The following CNBD1 variants were observed in gnomAD, a reference collection of about 807,000 sequenced individuals.
The protein encoded by CNBD1 is cyclic nucleotide-binding domain-containing protein 1.
A neutral mutation model predicts 54.4 loss-of-function variants in CNBD1; 71 were observed. That is an observed-to-expected ratio of 1.30 (90% CI 1.08 to 1.59). CNBD1 has a LOEUF of 1.59. Ranked by LOEUF, CNBD1 falls within the 40% of genes most tolerant of loss-of-function variation. The pLI is 0.00. For missense variants in CNBD1, 659 were observed against 518.0 expected (o/e 1.27, Z -2.64); for synonymous variants, 182 against 170.7 (o/e 1.07, Z -0.51).
intron 4 of CNBD1, among the ~76,000 whole-genome samples, chr8:87,185,918 T>A (rs1312943136): frequency 6.6e-6 from 1 of 152,104 alleles, no homozygotes. Context: ...GATTCCCTCG[T>A]CCCATTCTTT....
chr8:87,424,854 C>A (rs1198152909), intron 2 of CNBD1, among the ~76,000 whole-genome samples: 1 of 152,086 alleles, frequency 6.6e-6, no homozygotes, highest in African/African-American at 2.4e-5. Flanking sequence ...TTTCCTGAAT[C>A]TGAACGTTGG....
intron 4 of CNBD1, among the ~76,000 whole-genome samples, chr8:86,968,204 T>A (rs1808134218): frequency 6.6e-6 from 1 of 152,176 alleles, no homozygotes; most frequent in South Asian, 2.1e-4. Context: ...AAAACCGTAT[T>A]GCTCTGGGTT....
intron 8 of CNBD1, among the ~76,000 whole-genome samples, chr8:87,345,923 T>G (rs957414401): frequency 6.6e-6 from 1 of 151,138 alleles, no homozygotes; most frequent in African/African-American, 2.4e-5. Flanking sequence ...AAATTTTGAT[T>G]AAAATAAACT....
intron 4 of CNBD1, among the ~76,000 whole-genome samples, chr8:86,959,327 T>C (rs933127255): frequency 1.3e-5 from 2 of 152,192 alleles, no homozygotes; most frequent in Non-Finnish European, 2.9e-5. Flanking sequence ...ATTATATGTC[T>C]TGGAGTTGTT....
At chr8:87,009,733 C>T (rs1324552913) in intron 4 of CNBD1, among the ~76,000 whole-genome samples, 5 of 152,110 alleles carry the variant, frequency 3.3e-5, no homozygotes, top group South Asian at 4.1e-4. Context: ...TTTCTTCTGC[C>T]GGAAGAACTT....
chr8:87,113,268 A>G lies in CNBD1; in HGVS notation c.432-92725A>G, dbSNP rs566979015. On this transcript the variant is annotated intron_variant, in intron 4 of 10. Transcript: ENST00000518476. ...CCATTAAGAGGGATTGGATGGGGAC[A>G]CCTATAGCATCTGCTACACGTCACC... Among the ~76,000 whole-genome samples the G allele has an allele frequency of 4.6e-5, 7 of 152,292 alleles. No homozygotes were observed. In the East Asian group the frequency reaches 1.4e-3, roughly 29 times the overall value.
chr8:87,303,256 C>T (rs1809053847), intron 8 of CNBD1, among the ~76,000 whole-genome samples: 1 of 151,380 alleles, frequency 6.6e-6, no homozygotes, highest in South Asian at 2.1e-4. Context: ...GCTACAGTAA[C>T]CAAAACAGCA....
intron 4 of CNBD1, among the ~76,000 whole-genome samples, chr8:86,956,352 T>C (rs1463473053): frequency 2.6e-5 from 4 of 152,218 alleles, no homozygotes; most frequent in African/African-American, 9.6e-5. Context: ...AAGTAGTTTT[T>C]TCCAATTCTG....
chr8:87,329,415 ATTAG>A (rs1484408996), intron 8 of CNBD1, among the ~76,000 whole-genome samples: 1 of 152,126 alleles, frequency 6.6e-6, no homozygotes, highest in East Asian at 1.9e-4. Context: ...ACAGTTTTGA[ATTAG>A]TTTGTCAATG....
chr8:87,117,574 A>C (rs1811801301), intron 4 of CNBD1, among the ~76,000 whole-genome samples: 1 of 152,178 alleles, frequency 6.6e-6, no homozygotes, highest in East Asian at 1.9e-4. Context: ...ATGACTGATC[A>C]GTTTCCTCTT....
At chr8:87,316,612 T>C (rs1212418097) in intron 8 of CNBD1, among the ~76,000 whole-genome samples, 1 of 151,938 alleles carries the variant, frequency 6.6e-6, no homozygotes, top group Non-Finnish European at 1.5e-5. Flanking sequence ...TACAATAATT[T>C]CTATTACACT....
Position 87,223,723 on chromosome 8 carries a change from G to C in CNBD1, c.578-13196G>C, listed in dbSNP as rs1346656310. On this transcript the variant is annotated intron_variant, in intron 5 of 10. Transcript: ENST00000518476. ...ACATACGTGTGCATGTGTCTTTATA[G>C]CAGCATGATTCATAGTCCTTTGGGT... Among the ~76,000 whole-genome samples the C allele has an allele frequency of 2.0e-5, 3 of 151,964 alleles. No homozygotes were observed. In the East Asian group the frequency reaches 5.8e-4, roughly 29 times the overall value.
At chr8:86,980,597 A>T (rs1476730038) in intron 4 of CNBD1, among the ~76,000 whole-genome samples, 2 of 152,232 alleles carry the variant, frequency 1.3e-5, no homozygotes, top group African/African-American at 2.4e-5. Flanking sequence ...TTGTAGAATC[A>T]TTAAGAGTCA....
chr8:87,360,916 T>A (rs923293871), intron 10 of CNBD1, among the ~76,000 whole-genome samples: 2 of 151,848 alleles, frequency 1.3e-5, no homozygotes, highest in Non-Finnish European at 2.9e-5. Flanking sequence ...TGCAGATATA[T>A]CTGTTAAGCA....
intron 2 of CNBD1, among the ~76,000 whole-genome samples, chr8:87,420,086 G>A (rs1360654663): frequency 1.3e-5 from 2 of 151,610 alleles, no homozygotes; most frequent in Non-Finnish European, 1.5e-5. Context: ...CAATAACAAA[G>A]TGTTAATATA....
chr8:87,388,845 T>C (rs1287085838), intron 2 of CNBD1, among the ~76,000 whole-genome samples: 1 of 151,978 alleles, frequency 6.6e-6, no homozygotes, highest in Non-Finnish European at 1.5e-5. Context: ...CGATGCAAAA[T>C]CCTCAATAAA....
intron 4 of CNBD1, among the ~76,000 whole-genome samples, chr8:87,092,960 C>T (rs1811247392): frequency 1.3e-5 from 2 of 152,184 alleles, no homozygotes; most frequent in Admixed American, 1.3e-4. Context: ...GGCGTTACCA[C>T]TATTTCTTCT....
intron 4 of CNBD1, among the ~76,000 whole-genome samples, chr8:87,013,611 C>CTTTGT (rs1315279285): frequency 7.0e-6 from 1 of 143,556 alleles, no homozygotes; most frequent in Non-Finnish European, 1.5e-5. Flanking sequence ...GTTTTTTTTT[C>CTTTGT]TTTGTTTTGT....
At chr8:87,015,946 A>G (rs190810895) in intron 4 of CNBD1, among the ~76,000 whole-genome samples, 16 of 137,812 alleles carry the variant, frequency 1.2e-4, no homozygotes, top group African/African-American at 3.6e-4. Flanking sequence ...GTAACACTGC[A>G]CTTAGCCTGG....
Sources: allele counts gnomAD v4.1 joint callset (sites outside exome capture counted in the v4.1 genomes callset), GRCh38; gene constraint gnomAD v4.1.1; transcripts MANE v1.5; gene names NCBI Gene and HGNC (gene_info 2026-07-23, HGNC 2026-07-21).